MARCHF2: variants seen among roughly 807,000 people sequenced by gnomAD.
The protein encoded by MARCHF2 is E3 ubiquitin-protein ligase MARCHF2.
A neutral mutation model predicts 24.0 loss-of-function variants in MARCHF2; 22 were observed. That is an observed-to-expected ratio of 0.92 (90% CI 0.66 to 1.31). The LOEUF (loss-of-function observed/expected upper bound fraction) is 1.31, where lower values mean the gene tolerates loss of function less well. Ranked by LOEUF, MARCHF2 falls within the 50% of genes most tolerant of loss-of-function variation. MARCHF2 has a pLI of 0.00. For synonymous variants in MARCHF2, 154 were observed against 153.0 expected (o/e 1.01, Z -0.05); for missense variants, 301 against 335.3 (o/e 0.90, Z 0.80).
Position 8,435,828 on chromosome 19 carries a change from C to CTGTGTGTGTG in MARCHF2, c.583-2531_583-2522dup, listed in dbSNP as rs35027764. Reference sequence around the variant, plus strand: ...ATAGGTGTGAGCCACTGCACCTGGCCTGTGTGTGTGTGTGTGTGTGTGTGT... The same window carrying CTGTGTGTGTG: ...ATAGGTGTGAGCCACTGCACCTGGCCTGTGTGTGTGTGTGTGTGTGTGTGTGTGTGTGTGT... On this transcript the variant is annotated intron_variant, in intron 4 of 4. Transcript: ENST00000215555. Among the ~76,000 whole-genome samples the CTGTGTGTGTG allele has an allele frequency of 2.4e-3, 338 of 141,150 alleles. 4 individuals carry two copies. Among genetic ancestry groups the CTGTGTGTGTG allele is most frequent in the East Asian group, 0.019 (87 of 4,498 alleles). The allele number at this position is 141,150 out of a possible 152,430, so 92.6% of individuals were successfully genotyped here. A position where few individuals can be genotyped will look rare whatever the true frequency, so the allele number is the denominator to read the frequency against.
chr19:8,424,623 C>T (rs186515289), intron 2 of MARCHF2, among the ~76,000 whole-genome samples: 134 of 151,732 alleles, frequency 8.8e-4, no homozygotes, highest in African/African-American at 3.2e-3. Flanking sequence ...GCCGAGATCG[C>T]GCCACTGCAC....
At chr19:8,422,177 G>A (rs973473158) in intron 2 of MARCHF2, among the ~76,000 whole-genome samples, 161 bp downstream of exon 2, 2 of 152,158 alleles carry the variant, frequency 1.3e-5, no homozygotes, top group South Asian at 2.1e-4. Flanking sequence ...GGAAACAGAG[G>A]CCTAGCTTTG....
Position 8,430,921 on chromosome 19 carries a change from C to T in MARCHF2, c.582+54C>T. 1 of 1,507,634 alleles carries T rather than the reference C, an allele frequency of 6.6e-7. No homozygotes were observed. The highest frequency in any genetic ancestry group is 8.9e-7 in the Non-Finnish European group (1 of 1,123,252). The allele number at this position is 1,507,634 out of a possible 1,614,324, so 93.4% of individuals were successfully genotyped here. On this transcript the variant is annotated intron_variant, in intron 4 of 4. Coordinates refer to ENST00000215555, the MANE Select transcript of MARCHF2 (RefSeq NM_001005415.2). This position sits in a 1 kb window ranked among gnomAD's most constrained non-coding sequence, Gnocchi z 4.4. ...TCTCGAGCTCTGCCGCTGGGAGCAG[C>T]AGGGCCAAGGATTTGGCCCCTGGCT...
intron 1 of MARCHF2, among the ~76,000 whole-genome samples, chr19:8,419,277 C>A (rs1364548711): frequency 6.6e-6 from 1 of 151,708 alleles, no homozygotes; most frequent in Non-Finnish European, 1.5e-5. Context: ...AGGAGGATCA[C>A]AAGGTCAAGA....
chr19:8,421,553 G>C (rs1967244299), intron 1 of MARCHF2, among the ~76,000 whole-genome samples: 1 of 152,076 alleles, frequency 6.6e-6, no homozygotes, highest in Non-Finnish European at 1.5e-5. Context: ...TCTTAGGAGA[G>C]TGAGAAATAA....
At chr19:8,421,212 T>C (rs949612484) in intron 1 of MARCHF2, among the ~76,000 whole-genome samples, 1 of 149,982 alleles carries the variant, frequency 6.7e-6, no homozygotes. Context: ...AACTTCCCCC[T>C]CCTGGGTTCA....
chr19:8,435,384 A>T (rs966949882), intron 4 of MARCHF2, among the ~76,000 whole-genome samples: 1 of 152,068 alleles, frequency 6.6e-6, no homozygotes, highest in African/African-American at 2.4e-5. Flanking sequence ...TTTAGCAGAA[A>T]GTACAGAGAG....
chr19:8,416,661 G>T (rs1441864029), intron 1 of MARCHF2, among the ~76,000 whole-genome samples: 1 of 152,000 alleles, frequency 6.6e-6, no homozygotes, highest in Admixed American at 6.6e-5. Context: ...CCTCAACCTG[G>T]GTGCAAGCGA....
intron 1 of MARCHF2, among the ~76,000 whole-genome samples, chr19:8,419,541 G>A (rs1467816698): frequency 2.0e-5 from 3 of 151,328 alleles, no homozygotes; most frequent in African/African-American, 7.3e-5. Flanking sequence ...AATTGGCCGG[G>A]CGCGGTGGCT....
chr19:8,421,728 A>C, intron 1 of MARCHF2, 61 bp from the exon 2 acceptor site: 2 of 956,498 alleles, frequency 2.1e-6, no homozygotes, highest in Non-Finnish European at 3.0e-6. Flanking sequence ...GAGGGGACTC[A>C]AACCTTAGTC....
chr19:8,425,410 AAG>A (rs1266357221), intron 2 of MARCHF2, among the ~76,000 whole-genome samples: 47 of 151,982 alleles, frequency 3.1e-4, no homozygotes, highest in Admixed American at 2.0e-4. Flanking sequence ...AAAAAAAAAA[AAG>A]AAAATTTTTT....
intron 4 of MARCHF2, among the ~76,000 whole-genome samples, chr19:8,436,012 C>G (rs1261164790): frequency 6.6e-6 from 1 of 152,096 alleles, no homozygotes; most frequent in Non-Finnish European, 1.5e-5. Flanking sequence ...ATGTGTGCAC[C>G]ACGCCTGGCT....
intron 3 of MARCHF2, among the ~76,000 whole-genome samples, chr19:8,429,560 A>G (rs138062667): frequency 0.042 from 6,371 of 151,098 alleles, 325 homozygotes; most frequent in African/African-American, 0.12. Context: ...GCTGGAGTGC[A>G]GTGGCACGAT....
Position 8,430,892 on chromosome 19 carries a change from C to T in MARCHF2, c.582+25C>T, listed in dbSNP as rs1472107476. 2.3e-5 allele frequency: 35 copies of T among 1,547,418 alleles called. No individual in the cohort carries two copies. The highest frequency in any genetic ancestry group is 1.8e-4 in the Middle Eastern group (1 of 5,488). On this transcript the variant is annotated intron_variant, in intron 4 of 4. Coordinates refer to ENST00000215555, the MANE Select transcript of MARCHF2 (RefSeq NM_001005415.2). This position sits in a 1 kb window ranked among gnomAD's most constrained non-coding sequence, Gnocchi z 4.4. ...GGTGAGTGGCTGTGGTTGTGCAGCA[C>T]GCGTCTCGAGCTCTGCCGCTGGGAG...
intron 4 of MARCHF2, among the ~76,000 whole-genome samples, chr19:8,435,372 A>G (rs913817479): frequency 4.0e-5 from 6 of 151,850 alleles, no homozygotes; most frequent in African/African-American, 1.5e-4. Flanking sequence ...TTCACAGCAA[A>G]ATTTAGCAGA....
intron 2 of MARCHF2, among the ~76,000 whole-genome samples, chr19:8,425,305 C>T (rs999251948): frequency 1.3e-5 from 2 of 151,044 alleles, no homozygotes. Context: ...GAGGCTGAGG[C>T]AGGATAATCG....
chr19:8,425,640 G>A (rs1438484044), intron 2 of MARCHF2, among the ~76,000 whole-genome samples: 2 of 149,008 alleles, frequency 1.3e-5, no homozygotes, highest in African/African-American at 2.5e-5. Flanking sequence ...TTTTTGAGAC[G>A]GAGCCTCACT....
At chr19:8,421,340 G>A (rs2145542943) in intron 1 of MARCHF2, among the ~76,000 whole-genome samples, 1 of 149,694 alleles carries the variant, frequency 6.7e-6, no homozygotes, top group South Asian at 2.1e-4. Context: ...GCCAGAATGG[G>A]AAACCTAGCT....
At chr19:8,433,859 A>C (rs554318583) in intron 4 of MARCHF2, among the ~76,000 whole-genome samples, 1 of 150,252 alleles carries the variant, frequency 6.7e-6, no homozygotes, top group Non-Finnish European at 1.5e-5. Context: ...GTGACAGAAT[A>C]AGACTCTGTC....
Sources: allele counts gnomAD v4.1 joint callset (sites outside exome capture counted in the v4.1 genomes callset), GRCh38; gene constraint gnomAD v4.1.1; non-coding constraint Gnocchi (gnomAD v3.1); transcripts MANE v1.5; gene names NCBI Gene and HGNC (gene_info 2026-07-23, HGNC 2026-07-21).